Variants in CACNA2D3 observed in about 807,000 individuals in gnomAD.
CACNA2D3 encodes the protein calcium voltage-gated channel auxiliary subunit alpha2delta 3, also known as voltage-dependent calcium channel subunit alpha-2/delta-3.
A neutral mutation model predicts 160.6 loss-of-function variants in CACNA2D3; 60 were observed. The observed-to-expected ratio is 0.37, with a 90% confidence interval of 0.30 to 0.46. The LOEUF (loss-of-function observed/expected upper bound fraction) is 0.46, where lower values mean the gene tolerates loss of function less well. Ranked by LOEUF, CACNA2D3 falls within the 20% of genes least tolerant of loss-of-function variation. CACNA2D3 has a pLI of 1.00. For missense variants in CACNA2D3, 1,205 were observed against 1,365.0 expected (o/e 0.88, Z 1.85); for synonymous variants, 558 against 492.9 (o/e 1.13, Z -1.75).
chr3:54,365,206 G>A (rs1698808166), intron 3 of CACNA2D3, among the ~76,000 whole-genome samples: 1 of 152,214 alleles, frequency 6.6e-6, no homozygotes, highest in Admixed American at 6.5e-5. Context: ...CCTCTGTCAT[G>A]TTTGCTGAAT....
chr3:54,594,042 C>T (rs979271835), intron 9 of CACNA2D3, among the ~76,000 whole-genome samples: 7 of 152,216 alleles, frequency 4.6e-5, no homozygotes, highest in Admixed American at 2.0e-4. Flanking sequence ...GGAACTAACA[C>T]GATTAGCCAG....
In CACNA2D3 at chr3:54,229,194, A is replaced by T. The variant is rs1020300582; in HGVS notation, c.205-91248A>T. Among the ~76,000 whole-genome samples the T allele has an allele frequency of 1.2e-4, 17 of 146,348 alleles. No individual in the cohort carries two copies. In the East Asian group the frequency reaches 2.6e-3, roughly 22 times the overall value. On this transcript the variant is annotated intron_variant, in intron 2 of 37. Coordinates refer to ENST00000474759, the MANE Select transcript of CACNA2D3 (RefSeq NM_018398.3). The stretch of plus-strand genomic sequence containing the variant: ...AATTTGAAAGTATTTCAGCTAATTA[A>T]TTTTTTTTTTTTTTTGAGACGGAGT...
At chr3:54,784,810 T>G (rs986908087) in intron 13 of CACNA2D3, among the ~76,000 whole-genome samples, 1 of 152,168 alleles carries the variant, frequency 6.6e-6, no homozygotes, top group Non-Finnish European at 1.5e-5. Context: ...GACAGGATCT[T>G]TTCAAGAGCA....
chr3:54,543,184 C>T (rs1158856648), intron 5 of CACNA2D3, among the ~76,000 whole-genome samples: 1 of 152,200 alleles, frequency 6.6e-6, no homozygotes, highest in African/African-American at 2.4e-5. Flanking sequence ...GAATGCTATA[C>T]TGCTGTTACA....
At chr3:54,739,554 T>C (rs1224802585) in intron 11 of CACNA2D3, among the ~76,000 whole-genome samples, 1 of 151,482 alleles carries the variant, frequency 6.6e-6, no homozygotes, top group Non-Finnish European at 1.5e-5. Flanking sequence ...TCTTTTCACC[T>C]CAAATTTTCA....
chr3:54,951,152 T>C (rs916504876), intron 27 of CACNA2D3, among the ~76,000 whole-genome samples: 6 of 152,184 alleles, frequency 3.9e-5, no homozygotes, highest in African/African-American at 9.7e-5. Flanking sequence ...AAAATAGATA[T>C]TGTAATATTT....
chr3:55,013,502 C>T (rs1351002632), intron 34 of CACNA2D3, among the ~76,000 whole-genome samples: 3 of 152,178 alleles, frequency 2.0e-5, no homozygotes. Flanking sequence ...ATCCCAGACC[C>T]AGCGTAAGGA....
intron 4 of CACNA2D3, among the ~76,000 whole-genome samples, chr3:54,453,278 C>G (rs1237757994): frequency 6.6e-6 from 1 of 152,192 alleles, no homozygotes; most frequent in Non-Finnish European, 1.5e-5. Flanking sequence ...CAGGCATGAG[C>G]CACTGTGCCC....
intron 2 of CACNA2D3, among the ~76,000 whole-genome samples, chr3:54,204,750 C>G (rs1385731655): frequency 3.1e-5 from 4 of 129,968 alleles, no homozygotes; most frequent in Non-Finnish European, 6.2e-5. Context: ...GAGCCAAGAT[C>G]GCAGCATTGC....
At chr3:55,014,819 C>T (rs1703293579) in intron 34 of CACNA2D3, among the ~76,000 whole-genome samples, 1 of 152,154 alleles carries the variant, frequency 6.6e-6, no homozygotes, top group South Asian at 2.1e-4. Flanking sequence ...TAAATAGTAG[C>T]AACTGCACAT....
chr3:54,334,619 G>T (rs1287198320), intron 3 of CACNA2D3, among the ~76,000 whole-genome samples: 1 of 152,164 alleles, frequency 6.6e-6, no homozygotes, highest in Non-Finnish European at 1.5e-5. Context: ...GATATGGCAA[G>T]AATGGATTTG....
At chr3:54,898,664 A>G (rs1030507654) in intron 26 of CACNA2D3, among the ~76,000 whole-genome samples, 1 of 152,222 alleles carries the variant, frequency 6.6e-6, no homozygotes, top group African/African-American at 2.4e-5. Context: ...CTAAAGAAAA[A>G]TAATAGAACT....
chr3:54,990,780 A>G (rs2107114010), intron 31 of CACNA2D3, among the ~76,000 whole-genome samples: 1 of 152,296 alleles, frequency 6.6e-6, no homozygotes, highest in East Asian at 1.9e-4. Flanking sequence ...GTTCTACCTG[A>G]CAGTGCCATC....
At chr3:54,150,310 A>C (rs1476172777) in intron 2 of CACNA2D3, among the ~76,000 whole-genome samples, 1 of 152,084 alleles carries the variant, frequency 6.6e-6, no homozygotes, top group African/African-American at 2.4e-5. Context: ...AAACTTTGGG[A>C]AATACTTAGG....
chr3:54,907,717 T>C (rs2106903254), intron 27 of CACNA2D3, among the ~76,000 whole-genome samples: 1 of 152,338 alleles, frequency 6.6e-6, no homozygotes, highest in East Asian at 1.9e-4. Flanking sequence ...TTCACATACC[T>C]GTGCCTCAGA....
intron 2 of CACNA2D3, among the ~76,000 whole-genome samples, chr3:54,200,492 G>A (rs1701159131): frequency 6.6e-6 from 1 of 152,202 alleles, no homozygotes; most frequent in Non-Finnish European, 1.5e-5. Flanking sequence ...TATTTGTGAA[G>A]TGGAATAATT....
At position 54,538,214 on chromosome 3, in the gene CACNA2D3, G is replaced by A. The variant is rs1449608035; in HGVS notation, c.545-24586G>A. 5.3e-5 allele frequency among the ~76,000 whole-genome samples: 8 copies of A among 152,104 alleles called. No individual in the cohort carries two copies. In the South Asian group the frequency reaches 6.2e-4, roughly 12 times the overall value. On this transcript the variant is annotated intron_variant, in intron 5 of 37. Coordinates refer to ENST00000474759, the MANE Select transcript of CACNA2D3 (RefSeq NM_018398.3). ...CATGGGCTGCTCCCTAGCACCCCAAGGTTGCTTGACTGAGAGCAATATTTG... is the reference window on the plus strand; with the variant it reads ...CATGGGCTGCTCCCTAGCACCCCAAAGTTGCTTGACTGAGAGCAATATTTG...
At chr3:54,417,940 C>T (rs1699781761) in intron 4 of CACNA2D3, among the ~76,000 whole-genome samples, 1 of 152,084 alleles carries the variant, frequency 6.6e-6, no homozygotes, top group Non-Finnish European at 1.5e-5. Flanking sequence ...GCATATGCCA[C>T]CACACCCAGG....
chr3:54,752,626 C>G lies in CACNA2D3; in HGVS notation c.1195C>G (p.Arg399Gly), dbSNP rs751965381. The change falls in exon 12 of 38, where the codon CGA (arginine) becomes GGA (glycine). Residue 399 changes from arginine to glycine, a missense_variant. Arg to Gly is a moderately radical substitution (Grantham distance 125). Around this residue, in one of 3 missense-constraint regions of CACNA2D3, gnomAD observed 911 missense variants for 1,002.2 expected, o/e 0.91. Coordinates refer to ENST00000474759, the MANE Select transcript of CACNA2D3 (RefSeq NM_018398.3). The stretch of plus-strand genomic sequence containing the variant: ...TCGCATCTTCACATACCTCATTGGA[C>G]GAGAGGCTGCGTTTGCAGACAATCT... ...KVRIFTYLIG[R>G]EAAFADNLKW... is the part of the protein sequence containing the mutation. 1 of 1,613,456 alleles carries G rather than the reference C, an allele frequency of 6.2e-7. No individual in the cohort carries two copies. The highest frequency in any genetic ancestry group is 8.5e-7 in the Non-Finnish European group (1 of 1,179,696).
Sources: gnomAD v4.1 joint callset for allele counts (sites outside exome capture counted in the v4.1 genomes callset) on GRCh38, gnomAD v4.1.1 for gene constraint, gnomAD v4.1.1 regional missense constraint, MANE v1.5 for transcripts, NCBI Gene and HGNC (gene_info 2026-07-23, HGNC 2026-07-21) for gene names.